Variants in DNAH7 observed in about 807,000 individuals in gnomAD.
The protein encoded by DNAH7 is dynein axonemal heavy chain 7.
In DNAH7, 397 loss-of-function variants were observed where a neutral mutation model predicts 444.6. The ratio of observed to expected loss-of-function variants is 0.89; its 90% confidence interval spans 0.82 to 0.97. The LOEUF (loss-of-function observed/expected upper bound fraction) is 0.97, where lower values mean the gene tolerates loss of function less well. Among genes scored for constraint, DNAH7 ranks in the 50% least tolerant of loss-of-function variants. DNAH7 has a pLI of 0.00. For missense variants in DNAH7, 4,902 were observed against 4,800.8 expected (o/e 1.02, Z -0.62); for synonymous variants, 1,636 against 1,624.4 (o/e 1.01, Z -0.17).
intron 46 of DNAH7, among the ~76,000 whole-genome samples, chr2:195,845,465 ACTC>A (rs944734846): frequency 6.6e-6 from 1 of 152,210 alleles, no homozygotes; most frequent in Non-Finnish European, 1.5e-5. Flanking sequence ...TTTCAAGGCT[ACTC>A]CTATCAAACT....
At chr2:195,851,980 A>T (rs1201988598) in intron 46 of DNAH7, among the ~76,000 whole-genome samples, 1 of 152,104 alleles carries the variant, frequency 6.6e-6, no homozygotes, top group Non-Finnish European at 1.5e-5. Context: ...CACCACTGGC[A>T]GGGCACGGTG....
intron 52 of DNAH7, 128 bp from the exon 53 acceptor site, chr2:195,809,004 G>C: frequency 1.3e-6 from 1 of 748,238 alleles, no homozygotes; most frequent in South Asian, 2.0e-5. Flanking sequence ...AAATTCTATA[G>C]CTAGTGTTAT....
chr2:195,817,854 A>C (rs976010627), intron 49 of DNAH7, 25 bp from the exon 50 acceptor site: 6 of 1,507,490 alleles, frequency 4.0e-6, no homozygotes, highest in Non-Finnish European at 5.4e-6. Context: ...ATATACAAAA[A>C]TTACATCATT....
At chr2:196,049,259 T>C (rs552761081) in intron 3 of DNAH7, among the ~76,000 whole-genome samples, 47 of 152,336 alleles carry the variant, frequency 3.1e-4, no homozygotes, top group Non-Finnish European at 6.3e-4. Context: ...ACACAAGTCC[T>C]TATTTTAGTT....
intron 48 of DNAH7, among the ~76,000 whole-genome samples, chr2:195,830,680 T>C (rs968608437): frequency 6.6e-6 from 1 of 152,136 alleles, no homozygotes; most frequent in African/African-American, 2.4e-5. Context: ...TCTTAAAGGA[T>C]GGAATTTAAA....
intron 37 of DNAH7, among the ~76,000 whole-genome samples, chr2:195,876,125 T>A (rs1163653999): frequency 1.3e-5 from 2 of 152,192 alleles, no homozygotes; most frequent in Non-Finnish European, 2.9e-5. Context: ...ATACTGCATA[T>A]TTTTTCCTTG....
intron 55 of DNAH7, 133 bp from the exon 56 acceptor site, chr2:195,796,870 A>T: frequency 1.1e-6 from 1 of 889,682 alleles, no homozygotes; most frequent in Non-Finnish European, 1.6e-6. Context: ...AAACACATGC[A>T]TCCCTAAAAA....
chr2:196,027,341 T>A (rs1478181717), intron 6 of DNAH7, among the ~76,000 whole-genome samples: 1 of 151,938 alleles, frequency 6.6e-6, no homozygotes, highest in African/African-American at 2.4e-5. Context: ...CCAGAAATAT[T>A]ATACAATAGG....
intron 63 of DNAH7, among the ~76,000 whole-genome samples, chr2:195,746,606 C>G (rs1253019814): frequency 6.6e-6 from 1 of 152,180 alleles, no homozygotes; most frequent in African/African-American, 2.4e-5. Context: ...GTAAAGCTGT[C>G]CTCAGCAAAT....
chr2:195,983,718 C>CT (rs1452234471), intron 15 of DNAH7, among the ~76,000 whole-genome samples: 6 of 152,168 alleles, frequency 3.9e-5, no homozygotes, highest in Non-Finnish European at 7.3e-5. Flanking sequence ...GAAAGTGAGA[C>CT]TTATCTAATA....
chr2:195,975,012 T>C (rs1378297675), intron 15 of DNAH7, among the ~76,000 whole-genome samples: 1 of 152,212 alleles, frequency 6.6e-6, no homozygotes, highest in Non-Finnish European at 1.5e-5. Flanking sequence ...CTGGGCGCAC[T>C]TAAATACTTT....
intron 33 of DNAH7, among the ~76,000 whole-genome samples, chr2:195,886,621 T>A (rs383085): frequency 0.28 from 42,749 of 152,024 alleles, 9,096 homozygotes; most frequent in African/African-American, 0.6. Context: ...AATGCTTAAT[T>A]AGTAAAATCC....
In DNAH7 at chr2:195,872,772, T is replaced by C. The variant is rs184493884; in HGVS notation, c.6414-303A>G. ...AGAGACAGCCAAGGAACCCAGATTA[T>C]GTAATCCCAAATCCACTAGACAAGT... On this transcript the variant is annotated intron_variant, in intron 39 of 64. Coordinates refer to ENST00000312428, the MANE Select transcript of DNAH7 (RefSeq NM_018897.3). Among the ~76,000 whole-genome samples the C allele has an allele frequency of 1.9e-3, 282 of 152,278 alleles. 1 individual carries two copies. The highest frequency in any genetic ancestry group is 6.4e-3 in the African/African-American group (267 of 41,556).
At chr2:195,749,636 G>A (rs1437515852) in intron 63 of DNAH7, among the ~76,000 whole-genome samples, 6 of 150,986 alleles carry the variant, frequency 4.0e-5, no homozygotes, top group African/African-American at 1.5e-4. Flanking sequence ...TATACACCAT[G>A]GAATACTATG....
intron 57 of DNAH7, among the ~76,000 whole-genome samples, chr2:195,793,705 CA>C (rs1292447265): frequency 2.0e-5 from 3 of 152,184 alleles, no homozygotes; most frequent in African/African-American, 4.8e-5. Context: ...CAAATTCAGA[CA>C]TCAAGCGTGT....
chr2:195,988,189 A>T lies in DNAH7; in HGVS notation c.1394T>A (p.Leu465Gln). The change falls in exon 13 of 65, where the codon CTG becomes CAG. Residue 465 changes from leucine to glutamine, a missense_variant. Transcript: ENST00000312428. ...TTTGTGAGCATCTACAATTTCATTCAGAATTATGGGCTTCAAGGTTGTTGG... is the reference window on the plus strand; with the variant it reads ...TTTGTGAGCATCTACAATTTCATTCTGAATTATGGGCTTCAAGGTTGTTGG... ...SKPTTLKPII[L>Q]NEIVDAHKEK... The T allele has an allele frequency of 6.2e-7, 1 of 1,612,832 alleles. No homozygotes were observed. The highest frequency in any genetic ancestry group is 8.5e-7 in the Non-Finnish European group (1 of 1,179,500).
At chr2:196,027,787 A>G (rs1695782778) in intron 6 of DNAH7, among the ~76,000 whole-genome samples, 173 bp downstream of exon 6, 1 of 152,138 alleles carries the variant, frequency 6.6e-6, no homozygotes, top group African/African-American at 2.4e-5. Flanking sequence ...GTGGCAAGGG[A>G]GAGAATGATT....
intron 19 of DNAH7, among the ~76,000 whole-genome samples, chr2:195,945,976 C>A (rs1243039899): frequency 6.6e-6 from 1 of 152,030 alleles, no homozygotes; most frequent in Non-Finnish European, 1.5e-5. Flanking sequence ...CAAGAGAGTC[C>A]CTAATAAATT....
chr2:196,032,454 C>T (rs955959183), intron 5 of DNAH7, among the ~76,000 whole-genome samples: 1 of 152,052 alleles, frequency 6.6e-6, no homozygotes, highest in African/African-American at 2.4e-5. Context: ...TTGGCAGATA[C>T]CAAAGGAGAG....
Sources: gnomAD v4.1 joint callset for allele counts (sites outside exome capture counted in the v4.1 genomes callset) on GRCh38, gnomAD v4.1.1 for gene constraint, MANE v1.5 for transcripts, NCBI Gene and HGNC (gene_info 2026-07-23, HGNC 2026-07-21) for gene names.